The following COLQ variants were observed in gnomAD, a reference collection of about 807,000 sequenced individuals.
The protein encoded by COLQ is collagen like tail subunit of asymmetric acetylcholinesterase, also known as acetylcholinesterase collagenic tail peptide.
COLQ carries 48 observed loss-of-function variants against 69.0 expected under a neutral mutation model. The observed-to-expected ratio is 0.70, with a 90% CI of 0.55 to 0.88. The LOEUF (loss-of-function observed/expected upper bound fraction) is 0.88, where lower values mean the gene tolerates loss of function less well. COLQ is among the 40% of genes least tolerant of loss of function. The pLI, the probability that COLQ is intolerant of heterozygous loss-of-function variation, is 0.00. For synonymous variants in COLQ, 217 were observed against 211.2 expected, an observed-to-expected ratio of 1.03 and a Z score of -0.24; for missense variants, 618 against 594.6, an observed-to-expected ratio of 1.04 and a Z score of -0.41.
chr3:15,483,731 G>T (rs565296780), intron 3 of COLQ, among the ~76,000 whole-genome samples: 111 of 152,322 alleles, frequency 7.3e-4, no homozygotes, highest in African/African-American at 2.6e-3. Context: ...TGTTAGGTCT[G>T]CTTGGTGCAG....
chr3:15,501,276 G>A (rs1197751316), intron 1 of COLQ, among the ~76,000 whole-genome samples: 2 of 152,174 alleles, frequency 1.3e-5, no homozygotes, highest in South Asian at 2.1e-4. Flanking sequence ...CGACATCCCC[G>A]GGAGCTGTTC....
At chr3:15,495,176 T>C (rs1200755642) in intron 1 of COLQ, among the ~76,000 whole-genome samples, 2 of 152,160 alleles carry the variant, frequency 1.3e-5, no homozygotes, top group African/African-American at 4.8e-5. Flanking sequence ...ATAGCATCAG[T>C]GCCCTCCAAG....
At chr3:15,474,902 C>T in intron 8 of COLQ, 23 bp downstream of exon 8, 2 of 1,613,894 alleles carry the variant, frequency 1.2e-6, no homozygotes, top group South Asian at 1.1e-5. Context: ...GGCTCTAGGA[C>T]ACCATCCAAG....
intron 11 of COLQ, among the ~76,000 whole-genome samples, chr3:15,468,646 A>G (rs2062237225): frequency 6.6e-6 from 1 of 152,144 alleles, no homozygotes; most frequent in African/African-American, 2.4e-5. Flanking sequence ...GAAGATTTTT[A>G]TAATAAAGTC....
intron 1 of COLQ, among the ~76,000 whole-genome samples, chr3:15,518,548 T>C (rs2063092571): frequency 6.6e-6 from 1 of 152,232 alleles, no homozygotes. Flanking sequence ...TTTTGCTCCT[T>C]CCTGGTTCTC....
intron 1 of COLQ, among the ~76,000 whole-genome samples, chr3:15,492,557 C>T (rs893881292): frequency 4.6e-5 from 7 of 152,006 alleles, no homozygotes; most frequent in Non-Finnish European, 7.4e-5. Context: ...GTCCCACCTA[C>T]TTGGGAGGCT....
chr3:15,471,300 C>T (rs902736732), intron 10 of COLQ, among the ~76,000 whole-genome samples: 2 of 152,206 alleles, frequency 1.3e-5, no homozygotes, highest in South Asian at 4.1e-4. Context: ...AAACAATATT[C>T]CTGTTTGTAA....
intron 1 of COLQ, among the ~76,000 whole-genome samples, chr3:15,509,840 A>G (rs1409111228): frequency 6.6e-6 from 1 of 152,210 alleles, no homozygotes; most frequent in African/African-American, 2.4e-5. Context: ...CTTTAGACAG[A>G]GAGTCTCAGT....
At chr3:15,457,226 T>C (rs2062038631) in intron 13 of COLQ, among the ~76,000 whole-genome samples, 1 of 152,160 alleles carries the variant, frequency 6.6e-6, no homozygotes, top group Non-Finnish European at 1.5e-5. Flanking sequence ...ATTCTTAAAA[T>C]TATCCTACTC....
intron 1 of COLQ, among the ~76,000 whole-genome samples, chr3:15,502,731 T>C (rs1354542622): frequency 6.6e-6 from 1 of 152,132 alleles, no homozygotes; most frequent in Non-Finnish European, 1.5e-5. Context: ...CACTGATGAA[T>C]ACAGGTTTCC....
At chr3:15,462,059 T>C (rs1312603632) in intron 12 of COLQ, among the ~76,000 whole-genome samples, 1 of 151,922 alleles carries the variant, frequency 6.6e-6, no homozygotes, top group Admixed American at 6.6e-5. Context: ...GATGGAGTCT[T>C]ACTCTGTCGC....
intron 1 of COLQ, chr3:15,498,830 G>C: frequency 7.0e-7 from 1 of 1,433,534 alleles, no homozygotes; most frequent in Non-Finnish European, 9.1e-7. Flanking sequence ...TGCTGTAGGG[G>C]AGGCTTGGAG....
chr3:15,456,476 C>T lies in COLQ; in HGVS notation c.1058G>A (p.Gly353Asp). The T allele has an allele frequency of 6.2e-7, 1 of 1,614,124 alleles. No individual in the cohort carries two copies. Among genetic ancestry groups the T allele is most frequent in the East Asian group, 2.2e-5 (1 of 44,890 alleles). ...TGGGGGTACCTGGATGGGGAGCCAG[C>T]CAAGGCTGTCCTTGAAGTACAGAGA... ...QRSLYFKDSL[G>D]WLPIQLTPFY... The change falls in exon 14 of 17, where the codon GGC becomes GAC. Residue 353 changes from glycine (G) to aspartate (D), a missense_variant. By Grantham distance (94) the Gly-to-Asp change is moderately conservative (BLOSUM62 -1). Coordinates refer to ENST00000383788, the MANE Select transcript of COLQ (RefSeq NM_005677.4).
chr3:15,463,043 G>A (rs1194042115), intron 12 of COLQ, among the ~76,000 whole-genome samples: 1 of 152,234 alleles, frequency 6.6e-6, no homozygotes, highest in East Asian at 1.9e-4. Flanking sequence ...ACTCTGCGGG[G>A]CCTGCTAAGA....
At chr3:15,514,297 A>G (rs1335109918) in intron 1 of COLQ, among the ~76,000 whole-genome samples, 1 of 152,122 alleles carries the variant, frequency 6.6e-6, no homozygotes, top group Non-Finnish European at 1.5e-5. Flanking sequence ...AGGCTCTTAC[A>G]GCATGGTCCA....
chr3:15,472,785 A>G (rs1575473045), intron 10 of COLQ, among the ~76,000 whole-genome samples: 1 of 151,940 alleles, frequency 6.6e-6, no homozygotes, highest in East Asian at 1.9e-4. Context: ...ATCTCTATAT[A>G]CCACTGTTTT....
At chr3:15,459,759 G>A (rs2062078965) in intron 12 of COLQ, among the ~76,000 whole-genome samples, 1 of 151,818 alleles carries the variant, frequency 6.6e-6, no homozygotes, top group African/African-American at 2.4e-5. Flanking sequence ...GATTACAGGT[G>A]TGAGCTGCCG....
At chr3:15,520,533 G>C (rs1575501911) in intron 1 of COLQ, among the ~76,000 whole-genome samples, 1 of 152,170 alleles carries the variant, frequency 6.6e-6, no homozygotes, top group Non-Finnish European at 1.5e-5. Context: ...TGAAATTTCT[G>C]TCTCAGTTGA....
intron 3 of COLQ, among the ~76,000 whole-genome samples, chr3:15,480,788 A>C (rs2062469661): frequency 6.6e-6 from 1 of 152,240 alleles, no homozygotes; most frequent in African/African-American, 2.4e-5. Context: ...ACTAGTTTAC[A>C]ATCCCACCAA....
Sources: allele counts gnomAD v4.1 joint callset (sites outside exome capture counted in the v4.1 genomes callset), GRCh38; gene constraint gnomAD v4.1.1; transcripts MANE v1.5; gene names NCBI Gene and HGNC (gene_info 2026-07-23, HGNC 2026-07-21).